STEAP4: variants seen among roughly 807,000 people sequenced by gnomAD.
STEAP4 encodes metalloreductase STEAP4.
Under a neutral mutation model 43.6 loss-of-function variants are expected in STEAP4, and 36 were observed. That is an observed-to-expected ratio of 0.83 (90% CI 0.63 to 1.09). STEAP4 has a LOEUF of 1.09. STEAP4 is among the 50% of genes least tolerant of loss of function. The pLI is 0.00. For missense variants in STEAP4, 495 were observed against 546.5 expected (o/e 0.91, Z 0.94); for synonymous variants, 191 against 196.7 (o/e 0.97, Z 0.24).
At chr7:88,286,203 T>A (rs903108703) in intron 1 of STEAP4, among the ~76,000 whole-genome samples, 1 of 152,210 alleles carries the variant, frequency 6.6e-6, no homozygotes, top group African/African-American at 2.4e-5. Flanking sequence ...ATTTGTTACC[T>A]CTGTGGCACA....
chr7:88,285,420 A>G (rs1322149294), intron 1 of STEAP4, among the ~76,000 whole-genome samples: 2 of 152,204 alleles, frequency 1.3e-5, no homozygotes, highest in Non-Finnish European at 2.9e-5. Flanking sequence ...CTAATTCTAT[A>G]AATTCTGAAA....
intron 1 of STEAP4, among the ~76,000 whole-genome samples, chr7:88,300,876 A>T (rs922449821): frequency 1.3e-5 from 2 of 152,204 alleles, no homozygotes; most frequent in East Asian, 3.9e-4. Context: ...AAGGCTCCTA[A>T]GTTCTTTAGG....
intron 3 of STEAP4, 118 bp downstream of exon 3, chr7:88,282,523 G>A: frequency 1.0e-6 from 1 of 959,712 alleles, no homozygotes; most frequent in Non-Finnish European, 1.5e-6. Flanking sequence ...TCTAATTCTA[G>A]TTACTTTAAA....
At chr7:88,299,909 G>T (rs914741499) in intron 1 of STEAP4, among the ~76,000 whole-genome samples, 1 of 152,294 alleles carries the variant, frequency 6.6e-6, no homozygotes, top group African/African-American at 2.4e-5. Context: ...TCTGGGGGCA[G>T]TCCACAATGC....
chr7:88,289,930 AC>A (rs1852808482), intron 1 of STEAP4, among the ~76,000 whole-genome samples: 1 of 152,164 alleles, frequency 6.6e-6, no homozygotes, highest in South Asian at 2.1e-4. Flanking sequence ...AAACCTTCAA[AC>A]TGCTGAACAA....
intron 2 of STEAP4, 111 bp from the exon 3 acceptor site, chr7:88,283,279 C>T (rs1157942010): frequency 1.5e-5 from 17 of 1,126,140 alleles, no homozygotes; most frequent in Non-Finnish European, 1.8e-5. Flanking sequence ...AACAGTGAAC[C>T]GATTTTAAAA....
Position 88,294,820 on chromosome 7 carries a change from T to G in STEAP4, c.-2-10549A>C, listed in dbSNP as rs577217306. 3.3e-5 allele frequency among the ~76,000 whole-genome samples: 5 copies of G among 152,202 alleles called. No homozygotes were observed. The South Asian group carries it at 1.0e-3, about 32-fold the overall frequency. On this transcript the variant is annotated intron_variant, in intron 1 of 4. Coordinates refer to ENST00000380079, the MANE Select transcript of STEAP4 (RefSeq NM_024636.4). ...AAAGAAAAGGCAAGAAAATCTTCCC[T>G]TTTCTTTGGTACAGATAGGCCTGGA...
intron 1 of STEAP4, 43 bp downstream of exon 1, chr7:88,306,749 A>C (rs1409294280): frequency 1.3e-5 from 2 of 152,478 alleles, no homozygotes; most frequent in Non-Finnish European, 2.9e-5. Context: ...AGGTGAGCTG[A>C]AGCAGATAAG....
At chr7:88,295,461 A>C (rs1397822604) in intron 1 of STEAP4, among the ~76,000 whole-genome samples, 2 of 152,182 alleles carry the variant, frequency 1.3e-5, no homozygotes, top group African/African-American at 4.8e-5. Flanking sequence ...GAGAGTCTGA[A>C]TCAACTGGTC....
chr7:88,273,745 C>G lies in STEAP4; in HGVS notation c.*5653G>C, dbSNP rs1446529503. On this transcript the variant is annotated 3_prime_UTR_variant, in exon 5 of 5. Transcript: ENST00000380079. ...GTCCTCAGGTCTGGGGATTTTACCT[C>G]CCTCCACCAGAACAAAGCTCCCTTT... The G allele has an allele frequency of 6.6e-6, 1 of 152,152 alleles. No individual in the cohort carries two copies. Among genetic ancestry groups the G allele is most frequent in the Non-Finnish European group, 1.5e-5 (1 of 68,026 alleles). The allele number at this position is 152,152 out of a possible 1,614,324, so 9.4% of individuals were successfully genotyped here. A position where few individuals can be genotyped will look rare whatever the true frequency, so the allele number is the denominator to read the frequency against.
In STEAP4 at chr7:88,277,338, C is replaced by T. The variant is rs142802391; in HGVS notation, c.*2060G>A. The T allele has an allele frequency of 1.2e-4, 19 of 152,170 alleles. No homozygotes were observed. The highest frequency in any genetic ancestry group is 4.1e-4 in the African/African-American group (17 of 41,524). 9.4% of individuals were successfully genotyped at this position (152,170 alleles called of 1,614,324 possible). A position where few individuals can be genotyped will look rare whatever the true frequency, so the allele number is the denominator to read the frequency against. ...ACCTTTGCAACCAGTTATAAATAAA[C>T]GCAAATTGAAATAAAAAAGACAATC... is the stretch of plus-strand genomic sequence containing the variant. On this transcript the variant is annotated 3_prime_UTR_variant, in exon 5 of 5. Coordinates refer to ENST00000380079, the MANE Select transcript of STEAP4 (RefSeq NM_024636.4).
intron 2 of STEAP4, chr7:88,283,371 A>G (rs557531239): frequency 1.8e-6 from 1 of 557,476 alleles, no homozygotes; most frequent in Admixed American, 3.7e-5. Flanking sequence ...CAGGGTTTTT[A>G]GTTGATGATG....
chr7:88,273,694 T>G lies in STEAP4; in HGVS notation c.*5704A>C, dbSNP rs2115925631. ...TTGCCTTTAAGCTCTGGAGAAGAGCTATCCTCTCCTTGACTGCCCCTTCGA... is the reference window on the plus strand; with the variant it reads ...TTGCCTTTAAGCTCTGGAGAAGAGCGATCCTCTCCTTGACTGCCCCTTCGA... On this transcript the variant is annotated 3_prime_UTR_variant, in exon 5 of 5. Transcript: ENST00000380079. The G allele has an allele frequency of 6.6e-6, 1 of 152,328 alleles. No homozygotes were observed. Among genetic ancestry groups the G allele is most frequent in the Middle Eastern group, 3.4e-3 (1 of 294 alleles). The allele number at this position is 152,328 out of a possible 1,614,324, so 9.4% of individuals were successfully genotyped here.
intron 1 of STEAP4, 48 bp from the exon 2 acceptor site, chr7:88,284,319 CCT>C (rs1852687593): frequency 7.6e-7 from 1 of 1,322,096 alleles, no homozygotes; most frequent in African/African-American, 1.5e-5. Context: ...ATGCTCTGTG[CCT>C]GGAAAATTAA....
rs901893538 is a variant in STEAP4 at position 88,273,088 on chromosome 7, A to C, written c.*6310T>G. The stretch of plus-strand genomic sequence containing the variant: ...TCAGATCAGTGTAATTAGCATATCC[A>C]TCATTGCAAACATTTATCATTTCTT... On this transcript the variant is annotated 3_prime_UTR_variant, in exon 5 of 5. Coordinates refer to ENST00000380079, the MANE Select transcript of STEAP4 (RefSeq NM_024636.4). The C allele has an allele frequency of 6.6e-6, 1 of 152,246 alleles. No individual in the cohort carries two copies. The highest frequency in any genetic ancestry group is 2.4e-5 in the African/African-American group (1 of 41,466). 9.4% of individuals were successfully genotyped at this position (152,246 alleles called of 1,614,324 possible).
In STEAP4 at chr7:88,281,042, G is replaced by A. The variant is rs1852610794; in HGVS notation, c.1022C>T (p.Ser341Leu). 3 of 1,610,758 alleles carry A rather than the reference G, an allele frequency of 1.9e-6. No individual in the cohort carries two copies. The highest frequency in any genetic ancestry group is 2.5e-6 in the Non-Finnish European group (3 of 1,178,972). ...LKKENPFSTS[S>L]AWLSDSYVAL... Reference sequence around the variant, plus strand: ...CACATATGAATCACTGAGCCAGGCTGAGGAGGTGCTAAATGGATTCTCCTT... The same window carrying A: ...CACATATGAATCACTGAGCCAGGCTAAGGAGGTGCTAAATGGATTCTCCTT... Residue 341 changes from serine to leucine, a missense_variant, in exon 4 of 5, where the codon TCA becomes TTA. Physicochemically the swap from Ser to Leu is moderately radical, Grantham distance 145 (BLOSUM62 -2). Transcript: ENST00000380079.
intron 1 of STEAP4, among the ~76,000 whole-genome samples, chr7:88,302,101 A>T (rs1853045716): frequency 6.6e-6 from 1 of 152,198 alleles, no homozygotes; most frequent in South Asian, 2.1e-4. Context: ...GGAAGTTAAA[A>T]TGTGGACTTT....
intron 1 of STEAP4, among the ~76,000 whole-genome samples, chr7:88,305,178 A>G (rs952421366): frequency 2.0e-5 from 3 of 152,152 alleles, no homozygotes; most frequent in Admixed American, 2.0e-4. Flanking sequence ...GAACAACGTG[A>G]ACCTCAGTGG....
chr7:88,301,391 G>T (rs757126596), intron 1 of STEAP4, among the ~76,000 whole-genome samples: 6 of 151,988 alleles, frequency 3.9e-5, no homozygotes, highest in Non-Finnish European at 8.8e-5. Flanking sequence ...TCCCACTTCC[G>T]CCTCCCAAGT....
Sources: allele counts gnomAD v4.1 joint callset (sites outside exome capture counted in the v4.1 genomes callset), GRCh38; gene constraint gnomAD v4.1.1; transcripts MANE v1.5; gene names NCBI Gene and HGNC (gene_info 2026-07-23, HGNC 2026-07-21).